MS4A14: variants seen among roughly 807,000 people sequenced by gnomAD.
The protein encoded by MS4A14 is membrane-spanning 4-domains subfamily A member 14.
MS4A14 carries 18 observed loss-of-function variants against 16.7 expected under a neutral mutation model. The observed-to-expected ratio is 1.08, with a 90% CI of 0.75 to 1.60. MS4A14 has a LOEUF of 1.60. Ranked by LOEUF, MS4A14 falls within the 40% of genes most tolerant of loss-of-function variation. MS4A14 has a pLI of 0.00. For missense variants in MS4A14, 812 were observed against 775.3 expected (o/e 1.05, Z -0.56); for synonymous variants, 305 against 289.4 (o/e 1.05, Z -0.55).
chr11:60,416,891 C>T lies in MS4A14; in HGVS notation c.1923C>T (p.Cys641=). 1.9e-6 allele frequency: 3 copies of T among 1,613,738 alleles called. No homozygotes were observed. The highest frequency in any genetic ancestry group is 2.7e-5 in the African/African-American group (2 of 74,996). Residue 641 remains cysteine, a synonymous_variant, in exon 5 of 5, where the codon TGC becomes TGT. Transcript: ENST00000300187. The stretch of plus-strand genomic sequence containing the variant: ...TGGAGAAAGTGCCAAAACTGTTATG[C>T]CAAGATTCAGAATCCCAAATACAGC... ...AQVEKVPKLL[C]QDSESQIQQY... is the part of the protein sequence containing the mutation.
chr11:60,410,527 C>T (rs978788203), intron 4 of MS4A14, among the ~76,000 whole-genome samples: 2 of 152,098 alleles, frequency 1.3e-5, no homozygotes, highest in Non-Finnish European at 2.9e-5. Context: ...GCCAAATTGT[C>T]ATGAAGATAT....
chr11:60,415,326 T>A, intron 4 of MS4A14, 111 bp from the exon 5 acceptor site: 5 of 1,150,762 alleles, frequency 4.3e-6, no homozygotes, highest in Non-Finnish European at 6.1e-6. Context: ...CTCATTTAGA[T>A]GTTATTTCCT....
rs147658998 is a variant in MS4A14 at position 60,401,569 on chromosome 11, A to C, written c.318+1115A>C. Among the ~76,000 whole-genome samples the C allele has an allele frequency of 1.7e-3, 252 of 152,330 alleles. 2 individuals are homozygous for C. The highest frequency in any genetic ancestry group is 2.6e-3 in the Non-Finnish European group (178 of 68,024). ...TGGCTTTTCATCACAGCCCTTCCACAAACCGTGAAAGTGATTGCTCACAGT... is the reference window on the plus strand; with the variant it reads ...TGGCTTTTCATCACAGCCCTTCCACCAACCGTGAAAGTGATTGCTCACAGT... On this transcript the variant is annotated intron_variant, in intron 3 of 4. Transcript: ENST00000300187.
At chr11:60,403,138 T>C in intron 4 of MS4A14, 77 bp downstream of exon 4, 1 of 1,458,688 alleles carries the variant, frequency 6.9e-7, no homozygotes, top group East Asian at 2.3e-5. Context: ...ATTCACTGAT[T>C]TTTATTTTAT....
chr11:60,416,377 A>G lies in MS4A14; in HGVS notation c.1409A>G (p.Glu470Gly). 1 of 1,614,022 alleles carries G rather than the reference A, an allele frequency of 6.2e-7. No individual in the cohort carries two copies. ...TCAGAAGTTATGGAAGAGACCAAAG[A>G]ATGGAAATCTGAGGAGGAACTCCAT... ...IRSEVMEETK[E>G]WKSEEELHRR... The change falls in exon 5 of 5, where the codon GAA (glutamate) becomes GGA (glycine). Residue 470 changes from glutamate to glycine, a missense_variant. Transcript: ENST00000300187.
intron 4 of MS4A14, among the ~76,000 whole-genome samples, chr11:60,403,670 T>C (rs1175981205): frequency 1.3e-5 from 2 of 152,234 alleles, no homozygotes; most frequent in Non-Finnish European, 2.9e-5. Context: ...ATTTAAAGTA[T>C]TTATCTAACA....
chr11:60,411,265 A>G (rs938793300), intron 4 of MS4A14, among the ~76,000 whole-genome samples: 4 of 152,242 alleles, frequency 2.6e-5, no homozygotes, highest in Admixed American at 2.0e-4. Context: ...TTAAAATTCA[A>G]TATGAACTTG....
chr11:60,404,672 T>C, intron 4 of MS4A14: 1 of 444,598 alleles, frequency 2.2e-6, no homozygotes, highest in South Asian at 1.6e-5. Flanking sequence ...ACCAGGCCAG[T>C]TATACAATTA....
At chr11:60,404,629 C>T (rs1375322725) in intron 4 of MS4A14, 1 of 455,776 alleles carries the variant, frequency 2.2e-6, no homozygotes, top group Admixed American at 2.4e-5. Flanking sequence ...CCAAGATGAT[C>T]AGAGGATCAG....
At chr11:60,401,312 A>G (rs2085709760) in intron 3 of MS4A14, among the ~76,000 whole-genome samples, 1 of 152,208 alleles carries the variant, frequency 6.6e-6, no homozygotes, top group South Asian at 2.1e-4. Context: ...GTTACAAGGC[A>G]TAGAGACATT....
intron 4 of MS4A14, among the ~76,000 whole-genome samples, chr11:60,407,006 CTTTTTTTT>C (rs71036579): frequency 2.7e-5 from 2 of 74,592 alleles, no homozygotes; most frequent in African/African-American, 1.1e-4. Flanking sequence ...ATCAATTTAC[CTTTTTTTT>C]TTTTTTTTTT....
intron 4 of MS4A14, 120 bp downstream of exon 4, chr11:60,403,181 G>T (rs769272874): frequency 9.3e-7 from 1 of 1,077,004 alleles, no homozygotes; most frequent in Non-Finnish European, 1.4e-6. Flanking sequence ...TGAACTGACG[G>T]TTGAGAAGGG....
chr11:60,415,482 C>T lies in MS4A14; in HGVS notation c.514C>T (p.Pro172Ser), dbSNP rs143463721. The T allele has an allele frequency of 1.2e-5, 20 of 1,612,888 alleles. No individual in the cohort carries two copies. Among genetic ancestry groups the T allele is most frequent in the Non-Finnish European group, 1.7e-5 (20 of 1,179,530 alleles). Residue 172 changes from proline to serine, a missense_variant, in exon 5 of 5, where the codon CCT becomes TCT. By Grantham distance (74) the Pro-to-Ser change is moderately conservative. Transcript: ENST00000300187. ...PSDVTQNSEQ[P>S]APEENDQLQF... ...GGATGTTACTCAAAATAGTGAACAA[C>T]CTGCCCCAGAAGAAAATGATCAATT...
intron 4 of MS4A14, among the ~76,000 whole-genome samples, chr11:60,409,860 CTTAGG>C (rs1302358621): frequency 1.0e-3 from 2 of 1,920 alleles, no homozygotes; most frequent in Non-Finnish European, 2.4e-3. Context: ...GACTATGTCA[CTTAGG>C]CTACAGTGGC....
intron 3 of MS4A14, among the ~76,000 whole-genome samples, chr11:60,401,971 G>T (rs994917521): frequency 6.6e-6 from 1 of 152,154 alleles, no homozygotes; most frequent in Non-Finnish European, 1.5e-5. Context: ...GCTGTGTAAA[G>T]GCATCATTGT....
chr11:60,403,166 G>A, intron 4 of MS4A14, 105 bp downstream of exon 4: 1 of 1,265,292 alleles, frequency 7.9e-7, no homozygotes, highest in Non-Finnish European at 1.1e-6. Flanking sequence ...AGTTGTGTCA[G>A]CATTTGAACT....
Position 60,416,063 on chromosome 11 carries a change from A to G in MS4A14, c.1095A>G (p.Thr365=). 6.2e-7 allele frequency: 1 copy of G among 1,612,822 alleles called. No individual in the cohort carries two copies. The highest frequency in any genetic ancestry group is 8.5e-7 in the Non-Finnish European group (1 of 1,179,452). ...LPPQGILSQD[T]SSQDMLFHDM... ...CTCAAGGCATACTATCCCAAGACAC[A>G]TCATCTCAAGATATGCTGTTTCATG... is the stretch of plus-strand genomic sequence containing the variant. The change falls in exon 5 of 5, where the codon ACA becomes ACG. Residue 365 remains threonine (T), a synonymous_variant. Coordinates refer to ENST00000300187, the MANE Select transcript of MS4A14 (RefSeq NM_032597.5).
Position 60,397,832 on chromosome 11 carries a change from A to G in MS4A14, c.139-20A>G. 3 of 1,610,310 alleles carry G rather than the reference A, an allele frequency of 1.9e-6. No homozygotes were observed. The highest frequency in any genetic ancestry group is 2.5e-6 in the Non-Finnish European group (3 of 1,177,568). On this transcript the variant is annotated intron_variant, in intron 1 of 4. Transcript: ENST00000300187. ...GTCTTGGATACTTGTAACCTCATGT[A>G]CCCATTTCTCTCCTCACAGGCTACC...
At chr11:60,401,557 C>G (rs949679649) in intron 3 of MS4A14, among the ~76,000 whole-genome samples, 1 of 152,204 alleles carries the variant, frequency 6.6e-6, no homozygotes, top group African/African-American at 2.4e-5. Context: ...CTTTTCATCA[C>G]AGCCCTTCCA....
Sources: gnomAD v4.1 joint callset for allele counts (sites outside exome capture counted in the v4.1 genomes callset) on GRCh38, gnomAD v4.1.1 for gene constraint, MANE v1.5 for transcripts, NCBI Gene and HGNC (gene_info 2026-07-23, HGNC 2026-07-21) for gene names.